The following SLIT3 variants were observed in gnomAD, a reference collection of about 807,000 sequenced individuals.
SLIT3 encodes slit homolog 3 protein.
A neutral mutation model predicts 184.0 loss-of-function variants in SLIT3; 68 were observed. The observed-to-expected ratio is 0.37, with a 90% confidence interval of 0.30 to 0.45. SLIT3 has a LOEUF of 0.45. Ranked by LOEUF, SLIT3 falls within the 20% of genes least tolerant of loss-of-function variation. The pLI is 1.00. For synonymous variants in SLIT3, 831 were observed against 828.6 expected (o/e 1.00, Z -0.05); for missense variants, 1,707 against 2,026.0 (o/e 0.84, Z 3.02).
Position 169,245,425 on chromosome 5 carries a change from C to T in SLIT3, c.270-649G>A, listed in dbSNP as rs77227589. ...AGTCTGGTTCACGCATAGAGTATATCCAAAGAATTTAGCATATAATGAAAT... is the reference window on the plus strand; with the variant it reads ...AGTCTGGTTCACGCATAGAGTATATTCAAAGAATTTAGCATATAATGAAAT... On this transcript the variant is annotated intron_variant, in intron 2 of 35. Coordinates refer to ENST00000519560, the MANE Select transcript of SLIT3 (RefSeq NM_003062.4). Among the ~76,000 whole-genome samples, 40 of 152,058 alleles carry T rather than the reference C, an allele frequency of 2.6e-4. No homozygotes were observed. The East Asian group carries it at 4.5e-3, about 17-fold the overall frequency.
chr5:168,762,340 T>C (rs1236258809), intron 15 of SLIT3, among the ~76,000 whole-genome samples, 199 bp downstream of exon 15: 2 of 152,164 alleles, frequency 1.3e-5, no homozygotes, highest in Non-Finnish European at 2.9e-5. Flanking sequence ...AATGAAGGAA[T>C]GAACTGTCTT....
At chr5:169,192,290 G>C (rs1356137744) in intron 4 of SLIT3, among the ~76,000 whole-genome samples, 1 of 152,164 alleles carries the variant, frequency 6.6e-6, no homozygotes, top group African/African-American at 2.4e-5. Flanking sequence ...CACAGCAAGA[G>C]GAGACCTGAC....
At chr5:168,988,569 G>T (rs1276283916) in intron 4 of SLIT3, among the ~76,000 whole-genome samples, 2 of 152,166 alleles carry the variant, frequency 1.3e-5, no homozygotes, top group South Asian at 4.1e-4. Flanking sequence ...TCCCTCAAAA[G>T]AGCTTCTGGG....
intron 17 of SLIT3, 117 bp from the exon 18 acceptor site, chr5:168,753,215 G>A: frequency 9.5e-7 from 1 of 1,055,788 alleles, no homozygotes; most frequent in South Asian, 1.6e-5. Flanking sequence ...TCTAAGCTCA[G>A]TCCAGCCATG....
chr5:168,919,573 C>A lies in SLIT3; in HGVS notation c.414-36237G>T, dbSNP rs372186024. On this transcript the variant is annotated intron_variant, in intron 4 of 35. Coordinates refer to ENST00000519560, the MANE Select transcript of SLIT3 (RefSeq NM_003062.4). ...AGACTTAAGCTTTTAATAATGGCTA[C>A]CTCTGTATAGGAGAATATGGGGGTG... Among the ~76,000 whole-genome samples the A allele has an allele frequency of 5.8e-4, 88 of 152,000 alleles. 1 individual carries two copies. The South Asian group carries it at 0.018, about 31-fold the overall frequency.
rs561114978 is a variant in SLIT3 at position 169,004,964 on chromosome 5, G to A, written c.414-121628C>T. On this transcript the variant is annotated intron_variant, in intron 4 of 35. Transcript: ENST00000519560. ...AGGCCACCCAGTTTATGGTACAGGC[G>A]CACGTTGTTTTATTGAGCTTTCTTC... Among the ~76,000 whole-genome samples the A allele has an allele frequency of 5.9e-5, 9 of 152,250 alleles. No homozygotes were observed. In the East Asian group the frequency reaches 1.2e-3, roughly 20 times the overall value.
chr5:169,073,371 G>A (rs1030035620), intron 4 of SLIT3, among the ~76,000 whole-genome samples: 22 of 151,958 alleles, frequency 1.4e-4, no homozygotes, highest in African/African-American at 5.3e-4. Flanking sequence ...TCTTACACAA[G>A]CCCTCATCCT....
chr5:169,039,549 C>A (rs1230277047), intron 4 of SLIT3, among the ~76,000 whole-genome samples: 1 of 152,070 alleles, frequency 6.6e-6, no homozygotes, highest in Admixed American at 6.5e-5. Flanking sequence ...AATCTCCTGA[C>A]CTCGTGATCC....
chr5:169,117,769 T>A (rs1018765276), intron 4 of SLIT3, among the ~76,000 whole-genome samples: 4 of 152,244 alleles, frequency 2.6e-5, no homozygotes, highest in African/African-American at 9.6e-5. Flanking sequence ...AGGAGAACTC[T>A]GTTTCTCCTA....
chr5:169,071,575 C>T (rs987831354), intron 4 of SLIT3, among the ~76,000 whole-genome samples: 2 of 152,144 alleles, frequency 1.3e-5, no homozygotes, highest in Non-Finnish European at 2.9e-5. Context: ...CTGGTTTCAG[C>T]CCCTCTAATG....
chr5:168,716,448 T>A (rs1270907851), intron 23 of SLIT3, among the ~76,000 whole-genome samples: 1 of 152,204 alleles, frequency 6.6e-6, no homozygotes, highest in South Asian at 2.1e-4. Context: ...AAAGACCAGA[T>A]GCCAGTGGTT....
chr5:169,118,708 C>A (rs1018488466), intron 4 of SLIT3, among the ~76,000 whole-genome samples: 1 of 152,058 alleles, frequency 6.6e-6, no homozygotes, highest in Non-Finnish European at 1.5e-5. Context: ...GTGGTACTGC[C>A]ATTTGGCATT....
intron 4 of SLIT3, among the ~76,000 whole-genome samples, chr5:169,000,102 C>G (rs1360490986): frequency 1.3e-5 from 2 of 152,042 alleles, no homozygotes; most frequent in Non-Finnish European, 2.9e-5. Flanking sequence ...ATGCTGCGAT[C>G]ATTATTAAGA....
intron 1 of SLIT3, among the ~76,000 whole-genome samples, chr5:169,275,797 C>A (rs868199157): frequency 6.6e-6 from 1 of 152,078 alleles, no homozygotes; most frequent in African/African-American, 2.4e-5. Context: ...CTGGGAGATA[C>A]AATTGAAGTT....
intron 13 of SLIT3, 144 bp from the exon 14 acceptor site, chr5:168,773,088 T>C (rs1755617362): frequency 2.5e-6 from 2 of 792,758 alleles, no homozygotes; most frequent in African/African-American, 1.8e-5. Flanking sequence ...TAGGGGGTGC[T>C]ACTTTCAGAC....
chr5:168,745,859 A>G (rs892344883), intron 20 of SLIT3, among the ~76,000 whole-genome samples: 1 of 152,140 alleles, frequency 6.6e-6, no homozygotes, highest in Non-Finnish European at 1.5e-5. Flanking sequence ...TAGCCACCCA[A>G]TGTTGGCCAC....
intron 5 of SLIT3, among the ~76,000 whole-genome samples, chr5:168,865,732 T>C (rs1759275535): frequency 6.6e-6 from 1 of 152,218 alleles, no homozygotes; most frequent in South Asian, 2.1e-4. Context: ...AATAAAATCA[T>C]CCAAATTCCT....
At chr5:169,296,058 G>A (rs1767494438) in intron 1 of SLIT3, among the ~76,000 whole-genome samples, 2 of 152,250 alleles carry the variant, frequency 1.3e-5, no homozygotes, top group South Asian at 4.2e-4. Context: ...ACTCTAGTAA[G>A]GCAATAAATA....
chr5:168,861,328 C>T (rs1489480201), intron 5 of SLIT3, among the ~76,000 whole-genome samples: 1 of 151,826 alleles, frequency 6.6e-6, no homozygotes, highest in Non-Finnish European at 1.5e-5. Context: ...TTCTTAAAGC[C>T]CTCTCTAGCT....
Sources: allele counts gnomAD v4.1 joint callset (sites outside exome capture counted in the v4.1 genomes callset), GRCh38; gene constraint gnomAD v4.1.1; transcripts MANE v1.5; gene names NCBI Gene and HGNC (gene_info 2026-07-23, HGNC 2026-07-21).